The following CSMD3 variants were observed in gnomAD, a reference collection of about 807,000 sequenced individuals.
CSMD3 encodes the protein CUB and sushi domain-containing protein 3.
Under a neutral mutation model 435.2 loss-of-function variants are expected in CSMD3, and 177 were observed. That is an observed-to-expected ratio of 0.41 (90% CI 0.36 to 0.46). CSMD3 has a LOEUF of 0.46. CSMD3 is among the 20% of genes least tolerant of loss of function. The pLI is 0.34. For missense variants in CSMD3, 4,265 were observed against 4,504.6 expected, an observed-to-expected ratio of 0.95 and a Z score of 1.52; for synonymous variants, 1,656 against 1,520.5, an observed-to-expected ratio of 1.09 and a Z score of -2.07.
intron 50 of CSMD3, among the ~76,000 whole-genome samples, chr8:112,309,976 A>C (rs1203619454): frequency 1.3e-5 from 2 of 152,094 alleles, no homozygotes; most frequent in African/African-American, 4.8e-5. Context: ...AGTATCCTGC[A>C]TTTTTTCATG....
Position 112,484,215 on chromosome 8 carries a change from G to A in CSMD3, c.5278+8274C>T, listed in dbSNP as rs181644717. 5.3e-4 allele frequency among the ~76,000 whole-genome samples: 81 copies of A among 152,064 alleles called. 1 individual carries two copies. The highest frequency in any genetic ancestry group is 3.4e-3 in the Middle Eastern group (1 of 292). ...TCTATATTTTCTCTAGACTTTAACC[G>A]AATTTTTTTCTAACTGAATTTTAGC... On this transcript the variant is annotated intron_variant, in intron 31 of 70. Transcript: ENST00000297405.
intron 45 of CSMD3, among the ~76,000 whole-genome samples, chr8:112,322,962 A>G (rs1445558247): frequency 6.6e-6 from 1 of 152,060 alleles, no homozygotes; most frequent in Non-Finnish European, 1.5e-5. Context: ...TCAAGAGGGA[A>G]GCAGTCTCTC....
At chr8:112,969,862 T>C (rs1294734014) in intron 7 of CSMD3, among the ~76,000 whole-genome samples, 1 of 151,940 alleles carries the variant, frequency 6.6e-6, no homozygotes, top group Non-Finnish European at 1.5e-5. Context: ...GTAAAACACA[T>C]CTTAATTATT....
intron 17 of CSMD3, among the ~76,000 whole-genome samples, chr8:112,659,121 C>A (rs2075320543): frequency 6.6e-6 from 1 of 150,710 alleles, no homozygotes; most frequent in South Asian, 2.1e-4. Context: ...CATAAAGAGA[C>A]TTAATTCTTA....
At chr8:112,731,584 C>A (rs572306151) in intron 13 of CSMD3, among the ~76,000 whole-genome samples, 11 of 152,204 alleles carry the variant, frequency 7.2e-5, no homozygotes, top group African/African-American at 2.4e-4. Flanking sequence ...TCTTTTGTAA[C>A]TCTTCTAAAT....
Position 112,224,366 on chromosome 8 carries a change from T to C in CSMD3, c.*405A>G. ...CTCAGGACAGTTAAAGAGAAGTCAG[T>C]GATCTATTGACTCTTGTAAGTATAG... On this transcript the variant is annotated 3_prime_UTR_variant, in exon 71 of 71. Coordinates refer to ENST00000297405, the MANE Select transcript of CSMD3 (RefSeq NM_198123.2). The C allele has an allele frequency of 4.2e-6, 1 of 236,426 alleles. No homozygotes were observed. The highest frequency in any genetic ancestry group is 5.1e-5 in the Admixed American group (1 of 19,564). The allele number at this position is 236,426 out of a possible 1,614,324, so 14.6% of individuals were successfully genotyped here. A position where few individuals can be genotyped will look rare whatever the true frequency, so the allele number is the denominator to read the frequency against.
chr8:112,503,827 T>C lies in CSMD3; in HGVS notation c.5046A>G (p.Gly1682=), dbSNP rs751520307. ...NTMHLAFRSD[G]SVSYTGFHLE... is the part of the protein sequence containing the mutation. ...GATGAAATCCAGTGTAACTAACAGATCCATCACTCCGAAAAGCCAAATGCA... is the reference window on the plus strand; with the variant it reads ...GATGAAATCCAGTGTAACTAACAGACCCATCACTCCGAAAAGCCAAATGCA... The change falls in exon 30 of 71, where the codon GGA becomes GGG. Residue 1682 remains glycine, a synonymous_variant. Coordinates refer to ENST00000297405, the MANE Select transcript of CSMD3 (RefSeq NM_198123.2). 2 of 1,612,738 alleles carry C rather than the reference T, an allele frequency of 1.2e-6. No homozygotes were observed. The highest frequency in any genetic ancestry group is 1.1e-5 in the South Asian group (1 of 90,962).
Position 112,390,553 on chromosome 8 carries a change from T to C in CSMD3, c.5934+111A>G, listed in dbSNP as rs1830321825. The C allele has an allele frequency of 1.3e-5, 11 of 879,868 alleles. No homozygotes were observed. In the South Asian group the frequency reaches 1.5e-4, roughly 12 times the overall value. The allele number at this position is 879,868 out of a possible 1,614,324, so 54.5% of individuals were successfully genotyped here. A position where few individuals can be genotyped will look rare whatever the true frequency, so the allele number is the denominator to read the frequency against. Reference sequence around the variant, plus strand: ...AATATCTTTCTATTCATTTCAACCATGTCAGTCAAAACCACTTGCTAAACT... The same window carrying C: ...AATATCTTTCTATTCATTTCAACCACGTCAGTCAAAACCACTTGCTAAACT... On this transcript the variant is annotated intron_variant, in intron 36 of 70. Coordinates refer to ENST00000297405, the MANE Select transcript of CSMD3 (RefSeq NM_198123.2).
At chr8:112,575,583 G>C (rs1829874185) in intron 23 of CSMD3, among the ~76,000 whole-genome samples, 1 of 152,024 alleles carries the variant, frequency 6.6e-6, no homozygotes, top group Non-Finnish European at 1.5e-5. Context: ...ATCCCTGGAG[G>C]AATCTAATTT....
chr8:112,919,173 C>A (rs1047668859), intron 10 of CSMD3, among the ~76,000 whole-genome samples: 2 of 151,748 alleles, frequency 1.3e-5, no homozygotes, highest in Middle Eastern at 3.2e-3. Context: ...ACATATGAAT[C>A]TTGAACATGT....
chr8:113,123,664 G>A (rs1274488994), intron 4 of CSMD3, among the ~76,000 whole-genome samples: 1 of 151,954 alleles, frequency 6.6e-6, no homozygotes, highest in Admixed American at 6.6e-5. Context: ...CTAGTCCTGA[G>A]CATCAGGAAT....
chr8:113,403,084 T>G (rs371351463), intron 1 of CSMD3, among the ~76,000 whole-genome samples: 1 of 151,396 alleles, frequency 6.6e-6, no homozygotes, highest in East Asian at 1.9e-4. Context: ...TCAGTGGGAG[T>G]TCCTACTAAA....
chr8:112,868,761 G>A (rs553063816), intron 10 of CSMD3, among the ~76,000 whole-genome samples: 1 of 152,208 alleles, frequency 6.6e-6, no homozygotes, highest in Admixed American at 6.5e-5. Context: ...CAAAATGGGG[G>A]AAAGAATAGT....
intron 53 of CSMD3, among the ~76,000 whole-genome samples, chr8:112,296,577 G>A (rs1470628620): frequency 6.6e-6 from 1 of 151,060 alleles, no homozygotes; most frequent in Non-Finnish European, 1.5e-5. Flanking sequence ...ATAAATAAAA[G>A]AAAGAAAATA....
At chr8:113,201,415 C>T (rs1365085301) in intron 3 of CSMD3, among the ~76,000 whole-genome samples, 1 of 151,930 alleles carries the variant, frequency 6.6e-6, no homozygotes, top group Non-Finnish European at 1.5e-5. Flanking sequence ...CTCCACCAGT[C>T]TCTTCCACTC....
intron 11 of CSMD3, among the ~76,000 whole-genome samples, chr8:112,854,075 A>G (rs181087018): frequency 4.6e-5 from 7 of 152,302 alleles, no homozygotes; most frequent in Admixed American, 2.0e-4. Context: ...AAAGGATGGT[A>G]TCTGTCTACA....
chr8:112,970,800 C>A (rs1378446521), intron 7 of CSMD3, among the ~76,000 whole-genome samples: 1 of 151,514 alleles, frequency 6.6e-6, no homozygotes, highest in African/African-American at 2.4e-5. Flanking sequence ...CGGCTCACTG[C>A]AAGCTCTGCC....
At chr8:113,431,581 GC>G (rs1340844797) in intron 1 of CSMD3, among the ~76,000 whole-genome samples, 3 of 152,198 alleles carry the variant, frequency 2.0e-5, no homozygotes, top group African/African-American at 7.2e-5. Context: ...CATTTCGGAA[GC>G]CCCTGATAAG....
chr8:112,967,961 T>C (rs2084486837), intron 7 of CSMD3, among the ~76,000 whole-genome samples: 1 of 151,742 alleles, frequency 6.6e-6, no homozygotes, highest in Admixed American at 6.6e-5. Flanking sequence ...CATAGTAGAA[T>C]GTGGTAGTGA....
Sources: allele counts gnomAD v4.1 joint callset (sites outside exome capture counted in the v4.1 genomes callset), GRCh38; gene constraint gnomAD v4.1.1; transcripts MANE v1.5; gene names NCBI Gene and HGNC (gene_info 2026-07-23, HGNC 2026-07-21).